The following GPC5 variants were observed in gnomAD, a reference collection of about 807,000 sequenced individuals.
The protein encoded by GPC5 is glypican-5.
In GPC5, 47 loss-of-function variants were observed where a neutral mutation model predicts 53.9. The observed-to-expected ratio is 0.87, with a 90% CI of 0.69 to 1.11. GPC5 has a LOEUF of 1.11. GPC5 is among the 50% of genes most tolerant of loss of function. The pLI is 0.00. For synonymous variants in GPC5, 286 were observed against 263.3 expected (o/e 1.09, Z -0.84); for missense variants, 748 against 713.1 (o/e 1.05, Z -0.56).
Position 91,421,426 on chromosome 13 carries a change from A to G in GPC5, c.163+22217A>G, listed in dbSNP as rs1021896593. On this transcript the variant is annotated intron_variant, in intron 1 of 7. Transcript: ENST00000377067. ...CCTAATTATTATTATGAAGGGAATA[A>G]TAATACTTACCAATGTGGAACTCAG... is the stretch of plus-strand genomic sequence containing the variant. Among the ~76,000 whole-genome samples, 9 of 152,212 alleles carry G rather than the reference A, an allele frequency of 5.9e-5. No individual in the cohort carries two copies. In the East Asian group the frequency reaches 1.3e-3, roughly 23 times the overall value.
intron 7 of GPC5, among the ~76,000 whole-genome samples, chr13:92,651,032 G>A (rs1309902182): frequency 6.6e-6 from 1 of 151,962 alleles, no homozygotes; most frequent in Non-Finnish European, 1.5e-5. Context: ...TTACTGTGCT[G>A]AGGATGATGG....
intron 5 of GPC5, among the ~76,000 whole-genome samples, chr13:91,834,561 G>A (rs553336705): frequency 1.3e-5 from 2 of 152,162 alleles, no homozygotes; most frequent in East Asian, 3.9e-4. Context: ...TAGACCAATG[G>A]AACAGAACAG....
intron 6 of GPC5, among the ~76,000 whole-genome samples, chr13:91,964,262 A>G (rs1217819085): frequency 1.3e-5 from 2 of 152,170 alleles, no homozygotes; most frequent in Non-Finnish European, 2.9e-5. Flanking sequence ...ACAGTGAAAG[A>G]ACAAAGCCTC....
intron 6 of GPC5, among the ~76,000 whole-genome samples, chr13:91,950,641 G>C (rs563763656): frequency 5.3e-5 from 8 of 152,256 alleles, no homozygotes; most frequent in African/African-American, 1.4e-4. Context: ...AGAGTAAAAT[G>C]AGATGATGTT....
intron 7 of GPC5, among the ~76,000 whole-genome samples, chr13:92,805,777 C>T (rs1336623304): frequency 6.6e-6 from 1 of 151,848 alleles, no homozygotes; most frequent in Non-Finnish European, 1.5e-5. Context: ...TAATAGGGGG[C>T]TTAAAATATT....
chr13:92,757,507 T>A (rs1874938257), intron 7 of GPC5, among the ~76,000 whole-genome samples: 1 of 152,168 alleles, frequency 6.6e-6, no homozygotes, highest in Non-Finnish European at 1.5e-5. Flanking sequence ...AAAGAGCTTC[T>A]GTACAGCAAA....
chr13:92,779,043 C>A (rs1218826125), intron 7 of GPC5, among the ~76,000 whole-genome samples: 1 of 151,624 alleles, frequency 6.6e-6, no homozygotes, highest in Non-Finnish European at 1.5e-5. Flanking sequence ...AGTCTGTTTT[C>A]ATGGTGTTGA....
intron 5 of GPC5, among the ~76,000 whole-genome samples, chr13:91,830,668 G>A (rs28812201): frequency 0.048 from 7,137 of 149,318 alleles, 362 homozygotes; most frequent in East Asian, 0.22. Context: ...CGGTCCCTCC[G>A]TTTGGGGTCC....
intron 3 of GPC5, among the ~76,000 whole-genome samples, chr13:91,713,986 C>T (rs574046744): frequency 6.0e-4 from 92 of 152,232 alleles, no homozygotes; most frequent in African/African-American, 2.1e-3. Flanking sequence ...CATTCCATCA[C>T]CAGAATAACC....
chr13:91,674,709 TTA>T (rs376584564), intron 2 of GPC5, among the ~76,000 whole-genome samples: 11 of 148,028 alleles, frequency 7.4e-5, no homozygotes, highest in Admixed American at 2.7e-4. Context: ...TATATATTAA[TTA>T]TATATATATA....
chr13:91,632,517 T>C (rs1021233621), intron 2 of GPC5, among the ~76,000 whole-genome samples: 2 of 151,976 alleles, frequency 1.3e-5, no homozygotes, highest in Non-Finnish European at 2.9e-5. Flanking sequence ...AAATAAAATA[T>C]CTGGGCCAAA....
At chr13:92,591,743 T>G (rs1250901815) in intron 7 of GPC5, among the ~76,000 whole-genome samples, 1 of 151,764 alleles carries the variant, frequency 6.6e-6, no homozygotes, top group African/African-American at 2.4e-5. Context: ...TTTCCTCAAC[T>G]CCCCCACCCC....
At chr13:91,746,982 T>G (rs183493755) in intron 4 of GPC5, among the ~76,000 whole-genome samples, 1 of 152,296 alleles carries the variant, frequency 6.6e-6, no homozygotes, top group East Asian at 1.9e-4. Flanking sequence ...TTGTCTGTCT[T>G]TAGCTGCTTG....
At chr13:92,386,634 T>A in intron 7 of GPC5, among the ~76,000 whole-genome samples, 1 of 152,052 alleles carries the variant, frequency 6.6e-6, no homozygotes, top group East Asian at 1.9e-4. Context: ...CATCCTCTTT[T>A]GAAGGGTGCA....
intron 5 of GPC5, among the ~76,000 whole-genome samples, chr13:91,780,118 G>A (rs992785284): frequency 1.3e-5 from 2 of 152,080 alleles, no homozygotes; most frequent in Non-Finnish European, 1.5e-5. Flanking sequence ...TAAAGGCTAC[G>A]GTGTCACTAG....
chr13:92,048,620 A>G (rs1331761478), intron 6 of GPC5, among the ~76,000 whole-genome samples: 1 of 152,232 alleles, frequency 6.6e-6, no homozygotes, highest in Non-Finnish European at 1.5e-5. Context: ...GTTTCTGTTC[A>G]ATACACTGAC....
At chr13:92,702,323 C>T (rs1887778575) in intron 7 of GPC5, among the ~76,000 whole-genome samples, 1 of 152,050 alleles carries the variant, frequency 6.6e-6, no homozygotes, top group Non-Finnish European at 1.5e-5. Flanking sequence ...ATTGGTCTAT[C>T]CAAATCTTTA....
intron 7 of GPC5, among the ~76,000 whole-genome samples, chr13:92,752,223 C>T (rs1304767709): frequency 6.6e-6 from 1 of 152,118 alleles, no homozygotes; most frequent in Non-Finnish European, 1.5e-5. Context: ...CTATCCCTGA[C>T]TTCTACCAAC....
intron 6 of GPC5, among the ~76,000 whole-genome samples, chr13:92,085,954 T>G (rs1200463171): frequency 1.3e-5 from 2 of 152,222 alleles, no homozygotes; most frequent in East Asian, 3.8e-4. Flanking sequence ...GTCTTGTTCC[T>G]AACAGCCACG....
Sources: allele counts gnomAD v4.1 joint callset (sites outside exome capture counted in the v4.1 genomes callset), GRCh38; gene constraint gnomAD v4.1.1; transcripts MANE v1.5; gene names NCBI Gene and HGNC (gene_info 2026-07-23, HGNC 2026-07-21).